Variants in CDH13 observed in about 807,000 individuals in gnomAD.
The protein encoded by CDH13 is cadherin 13.
CDH13 carries 24 observed loss-of-function variants against 63.8 expected under a neutral mutation model. The observed-to-expected ratio is 0.38, with a 90% CI of 0.27 to 0.53. The LOEUF is 0.53. Ranked by LOEUF, CDH13 falls within the 20% of genes least tolerant of loss-of-function variation. The pLI, the probability that CDH13 is intolerant of heterozygous loss-of-function variation, is 0.85. For synonymous variants in CDH13, 503 were observed against 355.3 expected (o/e 1.42, Z -4.67); for missense variants, 1,049 against 903.1 (o/e 1.16, Z -2.07).
chr16:82,672,417 C>T (rs1442718380), intron 1 of CDH13, among the ~76,000 whole-genome samples: 2 of 152,112 alleles, frequency 1.3e-5, no homozygotes, highest in African/African-American at 4.8e-5. Flanking sequence ...CTCGGTACAT[C>T]TATCTAGGCC....
chr16:83,184,741 C>T (rs1005865175), intron 4 of CDH13, among the ~76,000 whole-genome samples: 7 of 152,154 alleles, frequency 4.6e-5, no homozygotes, highest in East Asian at 1.9e-4. Context: ...AGCAACAGAG[C>T]GAGACTCCAT....
At chr16:82,878,822 C>T (rs904634300) in intron 2 of CDH13, among the ~76,000 whole-genome samples, 3 of 152,030 alleles carry the variant, frequency 2.0e-5, no homozygotes, top group African/African-American at 4.8e-5. Flanking sequence ...TTCTAGGTGT[C>T]ACCTGAATAT....
chr16:83,535,293 G>C (rs1228527519), intron 7 of CDH13, among the ~76,000 whole-genome samples: 1 of 152,202 alleles, frequency 6.6e-6, no homozygotes, highest in Non-Finnish European at 1.5e-5. Flanking sequence ...AAGGACTTGG[G>C]TCAGCATCCA....
intron 3 of CDH13, among the ~76,000 whole-genome samples, chr16:83,096,856 G>A (rs893135389): frequency 6.6e-6 from 1 of 152,152 alleles, no homozygotes; most frequent in Non-Finnish European, 1.5e-5. Flanking sequence ...TTTAACATCT[G>A]AGTTTTTGTT....
chr16:82,692,575 A>G (rs1357926496), intron 1 of CDH13, among the ~76,000 whole-genome samples: 2 of 152,192 alleles, frequency 1.3e-5, no homozygotes, highest in Non-Finnish European at 2.9e-5. Flanking sequence ...TCCTTCCATG[A>G]CATGTGAGAA....
intron 2 of CDH13, among the ~76,000 whole-genome samples, chr16:82,930,922 C>T: frequency 6.6e-6 from 1 of 152,340 alleles, no homozygotes; most frequent in East Asian, 1.9e-4. Context: ...CTTTTACCTG[C>T]AGACTCTAAT....
intron 1 of CDH13, among the ~76,000 whole-genome samples, chr16:82,643,699 C>A (rs1207131985): frequency 3.3e-5 from 5 of 152,190 alleles, no homozygotes; most frequent in African/African-American, 9.6e-5. Context: ...GTGTAGAGTT[C>A]TGGCTGCAAA....
At chr16:83,362,567 G>A (rs1247677934) in intron 6 of CDH13, among the ~76,000 whole-genome samples, 4 of 152,144 alleles carry the variant, frequency 2.6e-5, no homozygotes, top group Non-Finnish European at 4.4e-5. Context: ...CATCCCCCCA[G>A]TGAGATTGGG....
chr16:83,329,093 T>C (rs2090429017), intron 5 of CDH13, among the ~76,000 whole-genome samples: 1 of 152,208 alleles, frequency 6.6e-6, no homozygotes, highest in South Asian at 2.1e-4. Flanking sequence ...TCTGGGCCAC[T>C]GTATCAGAAT....
At chr16:83,373,223 AGGAG>A (rs772510016) in intron 6 of CDH13, among the ~76,000 whole-genome samples, 4 of 152,210 alleles carry the variant, frequency 2.6e-5, no homozygotes, top group African/African-American at 4.8e-5. Flanking sequence ...GGACAGTTGT[AGGAG>A]GACCTATTTT....
intron 1 of CDH13, among the ~76,000 whole-genome samples, chr16:82,734,577 T>C (rs562413163): frequency 6.6e-6 from 1 of 152,272 alleles, no homozygotes; most frequent in East Asian, 1.9e-4. Flanking sequence ...TCCACTGTCT[T>C]AGGTTGAAGA....
intron 4 of CDH13, among the ~76,000 whole-genome samples, chr16:83,190,369 C>T (rs1185157348): frequency 6.6e-6 from 1 of 152,178 alleles, no homozygotes; most frequent in African/African-American, 2.4e-5. Context: ...TAGCTACTGT[C>T]CTTCACCATA....
intron 2 of CDH13, among the ~76,000 whole-genome samples, chr16:82,947,795 G>A (rs2216737): frequency 0.26 from 39,762 of 152,008 alleles, 5,798 homozygotes; most frequent in African/African-American, 0.39. Context: ...ATGAGAATCA[G>A]TTCCTCAAGT....
chr16:83,580,599 A>G (rs945147883), intron 7 of CDH13, among the ~76,000 whole-genome samples: 3 of 151,490 alleles, frequency 2.0e-5, no homozygotes, highest in Non-Finnish European at 4.4e-5. Context: ...AGCTCAAGCA[A>G]TCCTCCCACC....
At chr16:83,666,998 G>A (rs957526191) in intron 8 of CDH13, among the ~76,000 whole-genome samples, 2 of 111,878 alleles carry the variant, frequency 1.8e-5, no homozygotes, top group African/African-American at 6.2e-5. Context: ...TGGATGGATG[G>A]ATGGATGGAT....
chr16:82,914,749 A>G (rs1246881401), intron 2 of CDH13, among the ~76,000 whole-genome samples: 1 of 152,214 alleles, frequency 6.6e-6, no homozygotes, highest in Non-Finnish European at 1.5e-5. Context: ...AACTCACAGG[A>G]GAGTGGAGAA....
rs146167500 is a variant in CDH13 at position 83,215,821 on chromosome 16, GATT to G, written c.484-1520_484-1518del. On this transcript the variant is annotated intron_variant, in intron 4 of 13. Transcript: ENST00000567109. ...TTTCTTTTATCTGTGTGTCCTGAAT[GATT>G]ATTGTGTTCATGACCTTTCAATTGT... Among the ~76,000 whole-genome samples the G allele has an allele frequency of 5.0e-3, 754 of 152,282 alleles. 7 individuals are homozygous for G. Among genetic ancestry groups the G allele is most frequent in the African/African-American group, 0.017 (692 of 41,546 alleles).
intron 6 of CDH13, among the ~76,000 whole-genome samples, chr16:83,365,298 C>G (rs2091237386): frequency 6.6e-6 from 1 of 152,186 alleles, no homozygotes; most frequent in Non-Finnish European, 1.5e-5. Context: ...CAAGACAGGC[C>G]TCTGACTCAG....
intron 6 of CDH13, among the ~76,000 whole-genome samples, chr16:83,358,361 C>A (rs2091097127): frequency 1.3e-5 from 2 of 152,152 alleles, no homozygotes; most frequent in African/African-American, 4.8e-5. Context: ...CAAGCAGCCA[C>A]CTTGCTCTGT....
Sources: allele counts gnomAD v4.1 joint callset (sites outside exome capture counted in the v4.1 genomes callset), GRCh38; gene constraint gnomAD v4.1.1; transcripts MANE v1.5; gene names NCBI Gene and HGNC (gene_info 2026-07-23, HGNC 2026-07-21).